Variants in PDK4 observed in about 807,000 individuals in gnomAD.
The protein encoded by PDK4 is pyruvate dehydrogenase kinase, isozyme 4.
In PDK4, 43 loss-of-function variants were observed where a neutral mutation model predicts 51.7. The observed-to-expected ratio is 0.83, with a 90% CI of 0.65 to 1.07. The LOEUF is 1.07. Among genes scored for constraint, PDK4 ranks in the 50% least tolerant of loss-of-function variants. The probability of loss-of-function intolerance (pLI) is 0.00; values close to 1 mark genes in which losing one functional copy is unlikely to be tolerated. For synonymous variants in PDK4, 170 were observed against 176.6 expected, an observed-to-expected ratio of 0.96 and a Z score of 0.30; for missense variants, 498 against 503.5, an observed-to-expected ratio of 0.99 and a Z score of 0.10.
In PDK4 at chr7:95,587,515, C is replaced by A. The variant is rs1391778923; in HGVS notation, c.884G>T (p.Gly295Val). 1 of 1,595,112 alleles carries A rather than the reference C, an allele frequency of 6.3e-7. No individual in the cohort carries two copies. Among genetic ancestry groups the A allele is most frequent in the Non-Finnish European group, 8.6e-7 (1 of 1,162,742 alleles). ...AATAATTCTCAGGGGAACACCACCT[C>A]CTCTGTCTGAAATCTAAAACAAACA... is the stretch of plus-strand genomic sequence containing the variant. ...EDLTIKISDR[G>V]GGVPLRIIDR... Residue 295 changes from glycine to valine, a missense_variant, in exon 9 of 11, where the codon GGA (glycine) becomes GTA (valine). Transcript: ENST00000005178.
At chr7:95,594,535 T>C (rs1304371863) in intron 2 of PDK4, among the ~76,000 whole-genome samples, 2 of 151,834 alleles carry the variant, frequency 1.3e-5, no homozygotes, top group Admixed American at 1.3e-4. Context: ...AATAACTCAA[T>C]GGCATAAAGA....
chr7:95,589,172 G>A (rs1045666562), intron 7 of PDK4, among the ~76,000 whole-genome samples: 1 of 152,154 alleles, frequency 6.6e-6, no homozygotes, highest in Non-Finnish European at 1.5e-5. Flanking sequence ...ATGATTGAAG[G>A]AACTACTGAC....
chr7:95,586,919 T>G, intron 10 of PDK4, 91 bp downstream of exon 10: 1 of 687,466 alleles, frequency 1.5e-6, no homozygotes, highest in Non-Finnish European at 2.6e-6. Flanking sequence ...TTAACTCAGT[T>G]TGGGGAATTC....
rs1437456109 is a variant in PDK4, at chr7:95,596,210, C to G, written c.84G>C (p.Ser28=). The G allele has an allele frequency of 1.2e-6, 2 of 1,605,232 alleles. No individual in the cohort carries two copies. Among genetic ancestry groups the G allele is most frequent in the African/African-American group, 1.4e-5 (1 of 73,670 alleles). The change falls in exon 1 of 11, where the codon TCG becomes TCC. Residue 28 remains serine (S), a synonymous_variant. Coordinates refer to ENST00000005178, the MANE Select transcript of PDK4 (RefSeq NM_002612.4). The stretch of plus-strand genomic sequence containing the variant: ...TGGACAGCGGGGACGGGCTGTAGCG[C>G]GAGAAATGCTCCACCTCTCGGGGCA... ...GLVPREVEHF[S]RYSPSPLSMK... is the part of the protein sequence containing the mutation.
chr7:95,593,662 A>T, intron 3 of PDK4, 37 bp downstream of exon 3: 1 of 1,000,562 alleles, frequency 1.0e-6, no homozygotes, highest in Non-Finnish European at 1.6e-6. Flanking sequence ...GGAAAGAACC[A>T]AAGTTTTAAA....
Position 95,592,503 on chromosome 7 carries a change from G to A in PDK4, c.616+8C>T, listed in dbSNP as rs1483405946. 2 of 1,534,646 alleles carry A rather than the reference G, an allele frequency of 1.3e-6. No individual in the cohort carries two copies. Among genetic ancestry groups the A allele is most frequent in the Non-Finnish European group, 1.8e-6 (2 of 1,107,876 alleles). ...TCAATAAGGGAAGTGCAGAAATACAGAACATACCTTGGACCACTGCTACCA... is the reference window on the plus strand; with the variant it reads ...TCAATAAGGGAAGTGCAGAAATACAAAACATACCTTGGACCACTGCTACCA... On this transcript the variant is annotated splice_region_variant and intron_variant, in intron 5 of 10. Transcript: ENST00000005178.
In PDK4 at chr7:95,595,038, T is replaced by A; in HGVS notation, c.257A>T (p.Gln86Leu). ...CACCACTTACCAGCTTTTAACCAAT[T>A]GCACTGAAGAGGTATTTACTAATTG... ...PTQLVNTSSV[Q>L]LVKSWYIQSL... Residue 86 changes from glutamine to leucine, a missense_variant, in exon 2 of 11, where the codon CAA becomes CTA. Physicochemically the swap from Gln to Leu is moderately radical, Grantham distance 113. Transcript: ENST00000005178. The A allele has an allele frequency of 1.2e-6, 2 of 1,610,710 alleles. No individual in the cohort carries two copies. The highest frequency in any genetic ancestry group is 1.7e-6 in the Non-Finnish European group (2 of 1,177,782).
At chr7:95,594,701 G>A (rs1791594281) in intron 2 of PDK4, 2 of 164,294 alleles carry the variant, frequency 1.2e-5, no homozygotes, top group Admixed American at 1.3e-4. Context: ...GATTTCTTTT[G>A]CAATATCAAA....
chr7:95,585,730 A>G lies in PDK4; in HGVS notation c.1147T>C (p.Phe383Leu). Residue 383 changes from phenylalanine to leucine, a missense_variant, in exon 11 of 11, where the codon TTC becomes CTC. By Grantham distance (22) the Phe-to-Leu change is conservative. Transcript: ENST00000005178. Reference sequence around the variant, plus strand: ...TCAGAGCTCATCTGATAATGTTTGAAGGCTGACTTGTTAAAAACTGGAAGT... The same window carrying G: ...TCAGAGCTCATCTGATAATGTTTGAGGGCTGACTTGTTAAAAACTGGAAGT... ...EKLPVFNKSA[F>L]KHYQMSSEAD... 6.2e-7 allele frequency: 1 copy of G among 1,606,760 alleles called. No homozygotes were observed. Among genetic ancestry groups the G allele is most frequent in the Non-Finnish European group, 8.5e-7 (1 of 1,173,960 alleles).
chr7:95,596,219 C>T lies in PDK4; in HGVS notation c.75G>A (p.Glu25=), dbSNP rs1471981430. The change falls in exon 1 of 11, where the codon GAG becomes GAA. Residue 25 remains glutamate (E), a synonymous_variant. Coordinates refer to ENST00000005178, the MANE Select transcript of PDK4 (RefSeq NM_002612.4). The part of the protein sequence containing the change: ...NGAGLVPREV[E]HFSRYSPSPL... ...GGGACGGGCTGTAGCGCGAGAAATG[C>T]TCCACCTCTCGGGGCACCAGGCCGG... The T allele has an allele frequency of 6.2e-7, 1 of 1,606,556 alleles. No homozygotes were observed. The highest frequency in any genetic ancestry group is 1.1e-5 in the South Asian group (1 of 90,252).
At chr7:95,591,451 T>G (rs1791551453) in intron 6 of PDK4, among the ~76,000 whole-genome samples, 1 of 152,216 alleles carries the variant, frequency 6.6e-6, no homozygotes, top group Non-Finnish European at 1.5e-5. Context: ...TCGTTATCTG[T>G]TGGATAGCAA....
chr7:95,587,661 TTTA>T, intron 8 of PDK4, 63 bp downstream of exon 8: 1 of 1,247,150 alleles, frequency 8.0e-7, no homozygotes, highest in Non-Finnish European at 1.2e-6. Context: ...AGCAGACAGC[TTTA>T]TTACTATTGA....
At position 95,586,448 on chromosome 7, in the gene PDK4, C is replaced by T. The variant is rs1448523499; in HGVS notation, c.1095+562G>A. 2.0e-5 allele frequency among the ~76,000 whole-genome samples: 3 copies of T among 152,202 alleles called. No homozygotes were observed. In the East Asian group the frequency reaches 5.8e-4, roughly 29 times the overall value. Reference sequence around the variant, plus strand: ...GAACTTGTGATCCACCTGCCTCGGCCTCCCAAAGTGCTGGGATTACAAGCG... The same window carrying T: ...GAACTTGTGATCCACCTGCCTCGGCTTCCCAAAGTGCTGGGATTACAAGCG... On this transcript the variant is annotated intron_variant, in intron 10 of 10. Transcript: ENST00000005178.
intron 7 of PDK4, 113 bp downstream of exon 7, chr7:95,589,527 T>G: frequency 1.7e-6 from 1 of 605,284 alleles, no homozygotes; most frequent in Non-Finnish European, 3.0e-6. Flanking sequence ...CTAGAAGCAT[T>G]CTTGGGAAAA....
chr7:95,595,315 G>T, intron 1 of PDK4, 151 bp from the exon 2 acceptor site: 2 of 517,226 alleles, frequency 3.9e-6, no homozygotes, highest in South Asian at 6.8e-5. Context: ...ATTCAGGGGC[G>T]ATTGTCTCCT....
rs139531703 is a variant in PDK4 at position 95,592,743 on chromosome 7, A to G, written c.529+17T>C. 2.5e-6 allele frequency: 4 copies of G among 1,596,264 alleles called. No homozygotes were observed. Among genetic ancestry groups the G allele is most frequent in the South Asian group, 1.1e-5 (1 of 89,700 alleles). ...ACACCCATGTCTATATACCATGATC[A>G]TGATGAGCTAACTTACTGTGCTGGT... On this transcript the variant is annotated intron_variant, in intron 4 of 10. Transcript: ENST00000005178.
At position 95,592,536 on chromosome 7, in the gene PDK4, G is replaced by T. The variant is rs1006800565; in HGVS notation, c.591C>A (p.Asn197Lys). 6.2e-7 allele frequency: 1 copy of T among 1,606,930 alleles called. No homozygotes were observed. Among genetic ancestry groups the T allele is most frequent in the African/African-American group, 1.3e-5 (1 of 74,728 alleles). ...NPSHIGSIDPNCDVVAVVQDA... is the reference protein window; with the variant it reads ...NPSHIGSIDPKCDVVAVVQDA... ...CTTGGACCACTGCTACCACATCACA[G>T]TTAGGATCAATGCTTCCAATGTGGC... Residue 197 changes from asparagine to lysine, a missense_variant, in exon 5 of 11, where the codon AAC becomes AAA. Coordinates refer to ENST00000005178, the MANE Select transcript of PDK4 (RefSeq NM_002612.4).
At position 95,592,378 on chromosome 7, in the gene PDK4, TGAAGATAACATTTATAAAATAAATG is replaced by T. The variant is rs1406367319; in HGVS notation, c.616+108_616+132del. The T allele has an allele frequency of 1.2e-5, 8 of 668,328 alleles. No homozygotes were observed. The Admixed American group carries it at 1.6e-4, about 14-fold the overall frequency. 41.4% of individuals were successfully genotyped at this position (668,328 alleles called of 1,614,324 possible). On this transcript the variant is annotated intron_variant, in intron 5 of 10. Coordinates refer to ENST00000005178, the MANE Select transcript of PDK4 (RefSeq NM_002612.4). ...ACTGACTCTCAAAAGCAAAGGACCT[TGAAGATAACATTTATAAAATAAATG>T]GAACACTCTGTGAATATAAATTCAT...
chr7:95,589,864 A>T, intron 6 of PDK4, 148 bp from the exon 7 acceptor site: 1 of 590,820 alleles, frequency 1.7e-6, no homozygotes, highest in Non-Finnish European at 3.1e-6. Context: ...GAAACTTACC[A>T]CTTAAACAGT....
Sources: gnomAD v4.1 joint callset for allele counts (sites outside exome capture counted in the v4.1 genomes callset) on GRCh38, gnomAD v4.1.1 for gene constraint, MANE v1.5 for transcripts, NCBI Gene and HGNC (gene_info 2026-07-23, HGNC 2026-07-21) for gene names.